TMEM132D: variants seen among roughly 807,000 people sequenced by gnomAD.
TMEM132D encodes mature OL transmembrane protein.
In TMEM132D, 21 loss-of-function variants were observed where a neutral mutation model predicts 62.3. That is an observed-to-expected ratio of 0.34 (90% CI 0.24 to 0.49). TMEM132D has a LOEUF of 0.49. TMEM132D is among the 20% of genes least tolerant of loss of function. The pLI is 0.99. For synonymous variants in TMEM132D, 621 were observed against 575.6 expected (o/e 1.08, Z -1.13); for missense variants, 1,346 against 1,402.8 (o/e 0.96, Z 0.65).
chr12:129,595,591 G>C (rs919724728), intron 2 of TMEM132D, among the ~76,000 whole-genome samples: 1 of 152,240 alleles, frequency 6.6e-6, no homozygotes, highest in African/African-American at 2.4e-5. Context: ...TTGGTCAACA[G>C]AATAAAACAG....
At chr12:129,458,356 C>A (rs527914632) in intron 3 of TMEM132D, among the ~76,000 whole-genome samples, 1 of 151,662 alleles carries the variant, frequency 6.6e-6, no homozygotes, top group Non-Finnish European at 1.5e-5. Flanking sequence ...ATGGTGTTGG[C>A]CTTTCACAAG....
intron 2 of TMEM132D, among the ~76,000 whole-genome samples, chr12:129,693,388 T>C (rs1881110602): frequency 1.3e-5 from 2 of 152,300 alleles, no homozygotes; most frequent in Non-Finnish European, 2.9e-5. Flanking sequence ...AATAAGCAAA[T>C]GTCCCCTGCA....
intron 2 of TMEM132D, among the ~76,000 whole-genome samples, chr12:129,667,966 A>T (rs1489419101): frequency 3.4e-5 from 2 of 58,694 alleles, no homozygotes; most frequent in Admixed American, 2.0e-4. Context: ...TTACCCTAAA[A>T]TGTTGTTATC....
intron 7 of TMEM132D, among the ~76,000 whole-genome samples, chr12:129,079,578 A>T (rs1874388045): frequency 6.6e-6 from 1 of 152,152 alleles, no homozygotes; most frequent in Non-Finnish European, 1.5e-5. Flanking sequence ...TCTAGAAGAG[A>T]TGGGCTTCAT....
intron 3 of TMEM132D, among the ~76,000 whole-genome samples, chr12:129,410,057 G>A (rs1038993026): frequency 6.6e-6 from 1 of 152,184 alleles, no homozygotes; most frequent in Non-Finnish European, 1.5e-5. Flanking sequence ...CTGGAGCACT[G>A]CTACCCAGTG....
rs143635556 is a variant in TMEM132D at position 129,753,354 on chromosome 12, C to A, written c.80-52656G>T. On this transcript the variant is annotated intron_variant, in intron 1 of 8. Coordinates refer to ENST00000422113, the MANE Select transcript of TMEM132D (RefSeq NM_133448.3). ...CAATGTGGAGAGGCTTTAAAGCCAA[C>A]GGCTCTTGCATTATTCAGATCTAAA... Among the ~76,000 whole-genome samples, 39 of 152,316 alleles carry A rather than the reference C, an allele frequency of 2.6e-4. 3 individuals carry two copies. Among genetic ancestry groups the A allele is most frequent in the African/African-American group, 8.9e-4 (37 of 41,562 alleles).
At position 129,615,704 on chromosome 12, in the gene TMEM132D, C is replaced by T. The variant is rs575791058; in HGVS notation, c.968+84106G>A. Among the ~76,000 whole-genome samples the T allele has an allele frequency of 7.3e-5, 11 of 150,896 alleles. 2 individuals carry two copies. In the Middle Eastern group the frequency reaches 0.017, roughly 235 times the overall value. ...GGAGGATCACTTGAGTCCAGGAGGT[C>T]GAGGCTGCCGTGGGTTGTGATCATG... On this transcript the variant is annotated intron_variant, in intron 2 of 8. Transcript: ENST00000422113.
intron 2 of TMEM132D, among the ~76,000 whole-genome samples, chr12:129,616,761 A>T (rs1878927594): frequency 6.6e-6 from 1 of 152,186 alleles, no homozygotes; most frequent in African/African-American, 2.4e-5. Context: ...TGAGTCAATT[A>T]AACCTCTTTC....
At chr12:129,621,797 C>G (rs561140065) in intron 2 of TMEM132D, among the ~76,000 whole-genome samples, 7 of 152,210 alleles carry the variant, frequency 4.6e-5, no homozygotes, top group African/African-American at 1.4e-4. Flanking sequence ...CAGAGACACA[C>G]AGCTGTTTAC....
At chr12:129,509,991 T>C (rs754040209) in intron 3 of TMEM132D, among the ~76,000 whole-genome samples, 3 of 152,160 alleles carry the variant, frequency 2.0e-5, no homozygotes, top group Non-Finnish European at 4.4e-5. Flanking sequence ...TACCGAGCAA[T>C]AGGATTGCTG....
chr12:129,321,405 G>A (rs1566032664), intron 4 of TMEM132D, among the ~76,000 whole-genome samples: 2 of 152,234 alleles, frequency 1.3e-5, no homozygotes, highest in Admixed American at 6.5e-5. Context: ...TAGGTTTTTC[G>A]TCTTGAGAGC....
At chr12:129,301,685 T>G (rs1169940635) in intron 4 of TMEM132D, among the ~76,000 whole-genome samples, 4 of 152,202 alleles carry the variant, frequency 2.6e-5, no homozygotes, top group Non-Finnish European at 5.9e-5. Flanking sequence ...GGCACTGTTC[T>G]AGGTGATTTT....
intron 2 of TMEM132D, among the ~76,000 whole-genome samples, chr12:129,533,796 C>G (rs1489600207): frequency 7.0e-6 from 1 of 143,714 alleles, no homozygotes; most frequent in Non-Finnish European, 1.5e-5. Flanking sequence ...ACACTGGGAA[C>G]TGTCTTTCAG....
rs371664509 is a variant in TMEM132D at position 129,081,803 on chromosome 12, C to T, written c.1879G>A (p.Gly627Arg). Residue 627 changes from glycine to arginine, a missense_variant, in exon 7 of 9, where the codon GGA (glycine) becomes AGA (arginine). Gly to Arg is a moderately radical substitution (Grantham distance 125). Transcript: ENST00000422113. The stretch of plus-strand genomic sequence containing the variant: ...AGCTCCTGCCCCATCAGGATCTGTC[C>T]GCCTTGCAGCTTGGCGATCCTGGGC... ...EEPRIAKLQGGQILMGQELGM... is the reference protein window; with the variant it reads ...EEPRIAKLQGRQILMGQELGM... 53 of 1,612,988 alleles carry T rather than the reference C, an allele frequency of 3.3e-5. No homozygotes were observed. Among genetic ancestry groups the T allele is most frequent in the South Asian group, 1.9e-4 (17 of 91,030 alleles).
intron 2 of TMEM132D, among the ~76,000 whole-genome samples, chr12:129,610,923 G>A (rs1878759206): frequency 2.0e-5 from 3 of 152,086 alleles, no homozygotes; most frequent in Admixed American, 1.3e-4. Flanking sequence ...ACAGATCAAG[G>A]CACTGGTCCA....
intron 1 of TMEM132D, among the ~76,000 whole-genome samples, chr12:129,899,617 G>A (rs1875284765): frequency 6.6e-6 from 1 of 152,172 alleles, no homozygotes; most frequent in African/African-American, 2.4e-5. Context: ...TCTAAATATT[G>A]TGTAGCATAG....
At chr12:129,246,817 T>C (rs538980467) in intron 4 of TMEM132D, among the ~76,000 whole-genome samples, 1 of 151,932 alleles carries the variant, frequency 6.6e-6, no homozygotes, top group South Asian at 2.1e-4. Flanking sequence ...AGGATTGATA[T>C]GTTTTGATAT....
chr12:129,436,927 T>C (rs574818711), intron 3 of TMEM132D, among the ~76,000 whole-genome samples: 57 of 152,310 alleles, frequency 3.7e-4, no homozygotes, highest in African/African-American at 1.3e-3. Context: ...ATTTAAAAAA[T>C]AGTAAATAAT....
chr12:129,624,198 A>C (rs1879153013), intron 2 of TMEM132D, among the ~76,000 whole-genome samples: 1 of 152,296 alleles, frequency 6.6e-6, no homozygotes, highest in Admixed American at 6.5e-5. Context: ...CGAATACATA[A>C]GCTGTTTACA....
Sources: gnomAD v4.1 joint callset for allele counts (sites outside exome capture counted in the v4.1 genomes callset) on GRCh38, gnomAD v4.1.1 for gene constraint, MANE v1.5 for transcripts, NCBI Gene and HGNC (gene_info 2026-07-23, HGNC 2026-07-21) for gene names.